The following RABIF variants were observed in gnomAD, a reference collection of about 807,000 sequenced individuals.
RABIF encodes guanine nucleotide exchange factor MSS4.
Under a neutral mutation model 12.3 loss-of-function variants are expected in RABIF, and 13 were observed. That is an observed-to-expected ratio of 1.06 (90% CI 0.69 to 1.68). The LOEUF (loss-of-function observed/expected upper bound fraction) is 1.68, where lower values mean the gene tolerates loss of function less well. Ranked by LOEUF, RABIF falls within the 40% of genes most tolerant of loss-of-function variation. The probability of loss-of-function intolerance (pLI) is 0.00; values close to 1 mark genes in which losing one functional copy is unlikely to be tolerated. For missense variants in RABIF, 153 were observed against 158.0 expected (o/e 0.97, Z 0.17); for synonymous variants, 70 against 63.3 (o/e 1.11, Z -0.50).
chr1:202,879,779 T>G lies in RABIF; in HGVS notation c.*1199A>C, dbSNP rs1036263202. On this transcript the variant is annotated 3_prime_UTR_variant, in exon 2 of 2. Transcript: ENST00000367262. ...GTAAGGTTTCTGTTTAGTACTTATTTCAATTTTAGGCCTCCTGAATAGTAG... is the reference window on the plus strand; with the variant it reads ...GTAAGGTTTCTGTTTAGTACTTATTGCAATTTTAGGCCTCCTGAATAGTAG... The G allele has an allele frequency of 6.6e-6, 1 of 152,200 alleles. No individual in the cohort carries two copies. Among genetic ancestry groups the G allele is most frequent in the Non-Finnish European group, 1.5e-5 (1 of 68,038 alleles). 9.4% of individuals were successfully genotyped at this position (152,200 alleles called of 1,614,324 possible). A position where few individuals can be genotyped will look rare whatever the true frequency, so the allele number is the denominator to read the frequency against.
chr1:202,887,031 T>A (rs991600290), intron 1 of RABIF, among the ~76,000 whole-genome samples: 1 of 149,666 alleles, frequency 6.7e-6, no homozygotes, highest in Non-Finnish European at 1.5e-5. Flanking sequence ...TATGTTTTGT[T>A]TTTTTTTTTT....
intron 1 of RABIF, among the ~76,000 whole-genome samples, chr1:202,886,226 C>G (rs760334584): frequency 2.9e-4 from 10 of 34,202 alleles, no homozygotes; most frequent in Non-Finnish European, 6.8e-4. Flanking sequence ...CAGAGCACAA[C>G]GGGGAACGGG....
rs941298813 is a variant in RABIF, at chr1:202,878,478, T to C, written c.*2500A>G. 6.6e-6 allele frequency among the ~76,000 whole-genome samples: 1 copy of C among 152,220 alleles called. No individual in the cohort carries two copies. The highest frequency in any genetic ancestry group is 1.5e-5 in the Non-Finnish European group (1 of 68,038). On this transcript the variant is annotated 3_prime_UTR_variant, in exon 2 of 2. Coordinates refer to ENST00000367262, the MANE Select transcript of RABIF (RefSeq NM_002871.5). ...ATTTCTAAAGTATTTTGTCCAGCCTTTCTAGTTAACCAGTGAGCTGGGTAG... is the reference window on the plus strand; with the variant it reads ...ATTTCTAAAGTATTTTGTCCAGCCTCTCTAGTTAACCAGTGAGCTGGGTAG...
At chr1:202,882,070 C>T (rs1169674548) in intron 1 of RABIF, among the ~76,000 whole-genome samples, 3 of 152,278 alleles carry the variant, frequency 2.0e-5, no homozygotes, top group East Asian at 1.9e-4. Context: ...CTAGTCTCTA[C>T]AAAAAGTAGT....
chr1:202,886,447 A>G (rs1431531801), intron 1 of RABIF, among the ~76,000 whole-genome samples: 2 of 152,182 alleles, frequency 1.3e-5, no homozygotes, highest in East Asian at 3.9e-4. Context: ...TTAGCTGGGC[A>G]TGGTGGCGTG....
At chr1:202,886,865 CTGGGATTACAGG>C (rs1302632701) in intron 1 of RABIF, among the ~76,000 whole-genome samples, 8 of 151,464 alleles carry the variant, frequency 5.3e-5, no homozygotes, top group Non-Finnish European at 1.0e-4. Context: ...TCCCAAGTAG[CTGGGATTACAGG>C]TGCCCACCAA....
At chr1:202,888,877 G>A (rs1289007531) in intron 1 of RABIF, 96 bp downstream of exon 1, 22 of 1,416,580 alleles carry the variant, frequency 1.6e-5, no homozygotes, top group Non-Finnish European at 2.0e-5. Flanking sequence ...GGAGGGCGCG[G>A]TTGCCGGAAA....
chr1:202,887,205 T>C (rs988711918), intron 1 of RABIF, among the ~76,000 whole-genome samples: 2 of 152,152 alleles, frequency 1.3e-5, no homozygotes, highest in Non-Finnish European at 2.9e-5. Flanking sequence ...CAGTGCTAAG[T>C]GCTTTTATAC....
intron 1 of RABIF, among the ~76,000 whole-genome samples, chr1:202,885,529 T>C (rs1659548935): frequency 6.6e-6 from 1 of 152,154 alleles, no homozygotes; most frequent in East Asian, 1.9e-4. Context: ...GCCCTAATGG[T>C]GGTTTATCTG....
At chr1:202,886,071 A>G (rs564842180) in intron 1 of RABIF, among the ~76,000 whole-genome samples, 83 of 151,980 alleles carry the variant, frequency 5.5e-4, no homozygotes, top group Non-Finnish European at 1.1e-3. Flanking sequence ...AATAGGGACC[A>G]CTGTGTTCGT....
At chr1:202,888,930 G>T (rs1347311132) in intron 1 of RABIF, 43 bp downstream of exon 1, 17 of 1,485,562 alleles carry the variant, frequency 1.1e-5, no homozygotes, top group Non-Finnish European at 1.4e-5. Context: ...CGGCTCGTCG[G>T]GGGAGACTGT....
chr1:202,883,879 C>A lies in RABIF; in HGVS notation c.127-2656G>T, dbSNP rs572271657. 4.6e-5 allele frequency among the ~76,000 whole-genome samples: 7 copies of A among 152,298 alleles called. 1 individual carries two copies. Among genetic ancestry groups the A allele is most frequent in the African/African-American group, 1.7e-4 (7 of 41,576 alleles). On this transcript the variant is annotated intron_variant, in intron 1 of 1. Coordinates refer to ENST00000367262, the MANE Select transcript of RABIF (RefSeq NM_002871.5). ...TCTAAGTCAGGCCCACAAGACTATA[C>A]TTATATATATGCATATGTATGTGCA...
chr1:202,882,083 G>T (rs1474403736), intron 1 of RABIF, among the ~76,000 whole-genome samples: 1 of 152,152 alleles, frequency 6.6e-6, no homozygotes, highest in African/African-American at 2.4e-5. Context: ...AAAGTAGTTT[G>T]AAAAAATTAG....
rs1659467726 is a variant in RABIF at position 202,880,263 on chromosome 1, G to A, written c.*715C>T. On this transcript the variant is annotated 3_prime_UTR_variant, in exon 2 of 2. Transcript: ENST00000367262. Reference sequence around the variant, plus strand: ...TTTTCCTTGAATGGCTGCCAGATGGGGTTAAAATCTGCTTCTCACCTTCTA... The same window carrying A: ...TTTTCCTTGAATGGCTGCCAGATGGAGTTAAAATCTGCTTCTCACCTTCTA... The A allele has an allele frequency of 1.3e-5, 2 of 152,316 alleles. No individual in the cohort carries two copies. Among genetic ancestry groups the A allele is most frequent in the African/African-American group, 4.8e-5 (2 of 41,418 alleles). The allele number at this position is 152,316 out of a possible 1,614,324, so 9.4% of individuals were successfully genotyped here. A position where few individuals can be genotyped will look rare whatever the true frequency, so the allele number is the denominator to read the frequency against.
intron 1 of RABIF, among the ~76,000 whole-genome samples, chr1:202,888,647 C>T (rs1042932637): frequency 7.9e-5 from 12 of 152,202 alleles, no homozygotes; most frequent in African/African-American, 2.9e-4. Flanking sequence ...TTCCACGCGC[C>T]CGCGGAGCAC....
intron 1 of RABIF, among the ~76,000 whole-genome samples, chr1:202,882,839 G>A (rs942535951): frequency 6.6e-6 from 1 of 152,110 alleles, no homozygotes; most frequent in Non-Finnish European, 1.5e-5. Flanking sequence ...GTATAGAGCA[G>A]GATCTCAACT....
intron 1 of RABIF, among the ~76,000 whole-genome samples, chr1:202,888,579 C>T (rs1221505998): frequency 2.0e-5 from 3 of 152,230 alleles, no homozygotes; most frequent in East Asian, 1.9e-4. Context: ...GGCCGAGAGG[C>T]ACCTGCCGGG....
At chr1:202,883,319 T>C (rs1253375969) in intron 1 of RABIF, among the ~76,000 whole-genome samples, 1 of 152,180 alleles carries the variant, frequency 6.6e-6, no homozygotes, top group African/African-American at 2.4e-5. Context: ...GTACAAGCCA[T>C]TGTGTAATAC....
chr1:202,881,356 T>C (rs1659488652), intron 1 of RABIF, 133 bp from the exon 2 acceptor site: 1 of 1,300,070 alleles, frequency 7.7e-7, no homozygotes, highest in South Asian at 1.6e-5. Context: ...CATTAAGCTG[T>C]AGACGATGAT....
Sources: allele counts gnomAD v4.1 joint callset (sites outside exome capture counted in the v4.1 genomes callset), GRCh38; gene constraint gnomAD v4.1.1; transcripts MANE v1.5; gene names NCBI Gene and HGNC (gene_info 2026-07-23, HGNC 2026-07-21).